KCTD14: variants seen among roughly 807,000 people sequenced by gnomAD.
The protein encoded by KCTD14 is BTB/POZ domain-containing protein KCTD14.
KCTD14 carries 7 observed loss-of-function variants against 5.9 expected under a neutral mutation model. The observed-to-expected ratio is 1.19, with a 90% confidence interval of 0.68 to 2.23. The LOEUF is 2.23. KCTD14 is among the 30% of genes most tolerant of loss of function. The probability of loss-of-function intolerance (pLI) is 0.00; values close to 1 mark genes in which losing one functional copy is unlikely to be tolerated. For synonymous variants in KCTD14, 140 were observed against 133.1 expected (o/e 1.05, Z -0.36); for missense variants, 342 against 332.2 (o/e 1.03, Z -0.23).
intron 2 of KCTD14, among the ~76,000 whole-genome samples, chr11:78,033,870 A>T (rs1256133328): frequency 2.5e-5 from 2 of 81,188 alleles, no homozygotes; most frequent in Non-Finnish European, 5.1e-5. Flanking sequence ...GATAACAAAG[A>T]AAATAATAGT....
chr11:78,028,858 T>C (rs772581912), intron 2 of KCTD14, among the ~76,000 whole-genome samples: 10 of 152,036 alleles, frequency 6.6e-5, no homozygotes, highest in Non-Finnish European at 1.3e-4. Context: ...AAAGGATCAC[T>C]TGATCCTAGG....
intron 1 of KCTD14, among the ~76,000 whole-genome samples, chr11:78,040,193 C>A (rs986955036): frequency 6.6e-6 from 1 of 152,218 alleles, no homozygotes; most frequent in Non-Finnish European, 1.5e-5. Flanking sequence ...CAAGCCAAGG[C>A]TGCCCCCGTT....
upstream of KCTD14, among the ~76,000 whole-genome samples, chr11:78,025,753 A>G (rs1374885743): frequency 2.6e-5 from 4 of 152,144 alleles, no homozygotes; most frequent in Non-Finnish European, 4.4e-5. Flanking sequence ...AGAGTTAGGT[A>G]TCTGTTTTGT....
intron 1 of KCTD14, among the ~76,000 whole-genome samples, chr11:78,021,591 C>G (rs11237359): frequency 6.6e-6 from 1 of 151,638 alleles, no homozygotes; most frequent in African/African-American, 2.4e-5. Context: ...GCTAATTTCT[C>G]TATTTTTTAT....
At chr11:78,037,500 C>A (rs759536780) in intron 2 of KCTD14, among the ~76,000 whole-genome samples, 1 of 152,170 alleles carries the variant, frequency 6.6e-6, no homozygotes, top group Non-Finnish European at 1.5e-5. Context: ...AAAGAAGGGA[C>A]CTCCTGCTGA....
chr11:78,033,901 G>GTGTGTATGTATATATATATATATATA, intron 2 of KCTD14, among the ~76,000 whole-genome samples: 1 of 115,604 alleles, frequency 8.7e-6, no homozygotes, highest in African/African-American at 3.5e-5. Context: ...GTGTGTGTGT[G>GTGTGTATGTATATATATATATATATA]TATATATATA....
At chr11:78,020,370 C>T (rs7937238) in intron 1 of KCTD14, among the ~76,000 whole-genome samples, 80,054 of 152,026 alleles carry the variant, frequency 0.53, 22,021 homozygotes, top group Admixed American at 0.64. Context: ...CAAAGTCAAC[C>T]GAACTGCTGG....
intron 1 of KCTD14, among the ~76,000 whole-genome samples, chr11:78,019,608 C>A (rs932720940): frequency 6.6e-6 from 1 of 152,162 alleles, no homozygotes; most frequent in African/African-American, 2.4e-5. Flanking sequence ...CAAGCCACCA[C>A]GCCCAGCAAA....
At chr11:78,021,898 C>G (rs1857320731) in intron 1 of KCTD14, among the ~76,000 whole-genome samples, 1 of 152,208 alleles carries the variant, frequency 6.6e-6, no homozygotes, top group Non-Finnish European at 1.5e-5. Flanking sequence ...CTGCTCCCCA[C>G]TCCTCCAATC....
In KCTD14 at chr11:78,015,968, G is replaced by T. The variant is rs1460965535; in HGVS notation, c.*625C>A. On this transcript the variant is annotated 3_prime_UTR_variant, in exon 2 of 2. Transcript: ENST00000353172. ...AGAATACATCAAAATCACTTGGAGG[G>T]TTTGGTAAATCAGAATGCTGTGCCA... 2 of 152,326 alleles carry T rather than the reference G, an allele frequency of 1.3e-5. No homozygotes were observed. The highest frequency in any genetic ancestry group is 1.5e-5 in the Non-Finnish European group (1 of 68,132). The allele number at this position is 152,326 out of a possible 1,614,324, so 9.4% of individuals were successfully genotyped here. A position where few individuals can be genotyped will look rare whatever the true frequency, so the allele number is the denominator to read the frequency against.
At chr11:78,042,555 A>G (rs148414627) in intron 1 of KCTD14, among the ~76,000 whole-genome samples, 127 of 152,216 alleles carry the variant, frequency 8.3e-4, no homozygotes, top group African/African-American at 3.0e-3. Context: ...TCCCTAACCT[A>G]TGCGCTTTGA....
At chr11:78,036,359 C>T (rs1025943925) in intron 2 of KCTD14, among the ~76,000 whole-genome samples, 3 of 152,246 alleles carry the variant, frequency 2.0e-5, no homozygotes, top group Non-Finnish European at 2.9e-5. Context: ...CACAGGTGCT[C>T]ACCATGTGCC....
chr11:78,016,641 T>G lies in KCTD14; in HGVS notation c.720A>C (p.Arg240Ser), dbSNP rs771375948. 2 of 1,614,170 alleles carry G rather than the reference T, an allele frequency of 1.2e-6. No individual in the cohort carries two copies. Among genetic ancestry groups the G allele is most frequent in the Non-Finnish European group, 1.7e-6 (2 of 1,180,012 alleles). ...SKFYLTYPTK[R>S]NEFHFNIYSF... ...AATAAATGTTAAAATGGAATTCGTT[T>G]CTTTTGGTGGGGTACGTCAGGTAGA... The change falls in exon 2 of 2, where the codon AGA (arginine) becomes AGC (serine). Residue 240 changes from arginine (R) to serine (S), a missense_variant. Arg to Ser is a moderately radical substitution (Grantham distance 110, BLOSUM62 -1). Coordinates refer to ENST00000353172, the MANE Select transcript of KCTD14 (RefSeq NM_023930.4).
intron 2 of KCTD14, among the ~76,000 whole-genome samples, chr11:78,030,552 C>A (rs780490154): frequency 6.6e-6 from 1 of 152,242 alleles, no homozygotes; most frequent in Non-Finnish European, 1.5e-5. Context: ...TTGCTATTGC[C>A]TATCACTGGA....
chr11:78,023,418 C>T (rs1303625264), upstream of KCTD14: 7 of 628,072 alleles, frequency 1.1e-5, no homozygotes, highest in East Asian at 2.1e-4. Flanking sequence ...AGTTGTTAGG[C>T]CCTGAGAAGG....
At chr11:78,040,977 C>T (rs967636541) in intron 1 of KCTD14, among the ~76,000 whole-genome samples, 1 of 152,102 alleles carries the variant, frequency 6.6e-6, no homozygotes, top group Non-Finnish European at 1.5e-5. Flanking sequence ...GCCACTAGGA[C>T]TTAATTTGAA....
Position 78,016,237 on chromosome 11 carries a change from A to G in KCTD14, c.*356T>C, listed in dbSNP as rs7928656. 0.2 allele frequency: 54,846 copies of G among 276,114 alleles called. 6,498 individuals are homozygous for G. Among genetic ancestry groups the G allele is most frequent in the African/African-American group, 0.34 (15,266 of 44,972 alleles). 17.1% of individuals were successfully genotyped at this position (276,114 alleles called of 1,614,324 possible). A position where few individuals can be genotyped will look rare whatever the true frequency, so the allele number is the denominator to read the frequency against. On this transcript the variant is annotated 3_prime_UTR_variant, in exon 2 of 2. Transcript: ENST00000353172. ...CTGGGGCTATGTAGACTACATCTTT[A>G]GGTCAGAACATCTAGATTCACAGTA... is the stretch of plus-strand genomic sequence containing the variant.
chr11:78,017,256 C>T lies in KCTD14; in HGVS notation c.105G>A (p.Val35=), dbSNP rs1269850374. ...RPRRPTMSTV[V]ELNVGGEFHT... ...GGAACTCACCCCCGACGTTCAGCTC[C>T]ACAACAGTAGACATCTGGGGGCACA... Residue 35 remains valine, a synonymous_variant, in exon 2 of 2, where the codon GTG becomes GTA. Coordinates refer to ENST00000353172, the MANE Select transcript of KCTD14 (RefSeq NM_023930.4). 6.3e-7 allele frequency: 1 copy of T among 1,598,710 alleles called. No individual in the cohort carries two copies.
At chr11:78,027,535 G>T (rs1396859710), upstream of KCTD14, among the ~76,000 whole-genome samples, 1 of 152,008 alleles carries the variant, frequency 6.6e-6, no homozygotes, top group Non-Finnish European at 1.5e-5. Flanking sequence ...GCTAATTTTT[G>T]TATTTTTAGT....
Sources: allele counts gnomAD v4.1 joint callset (sites outside exome capture counted in the v4.1 genomes callset), GRCh38; gene constraint gnomAD v4.1.1; transcripts MANE v1.5; gene names NCBI Gene and HGNC (gene_info 2026-07-23, HGNC 2026-07-21).